The following CAPN8 variants were observed in gnomAD, a reference collection of about 807,000 sequenced individuals.
CAPN8 encodes calpain-8.
A neutral mutation model predicts 80.9 loss-of-function variants in CAPN8; 87 were observed. The observed-to-expected ratio is 1.07, with a 90% CI of 0.90 to 1.28. CAPN8 has a LOEUF of 1.28. CAPN8 is among the 50% of genes most tolerant of loss of function. CAPN8 has a pLI of 0.00. For synonymous variants in CAPN8, 299 were observed against 273.8 expected, an observed-to-expected ratio of 1.09 and a Z score of -0.91; for missense variants, 757 against 702.0, an observed-to-expected ratio of 1.08 and a Z score of -0.89.
At chr1:223,547,988 C>T (rs969422479) in intron 16 of CAPN8, among the ~76,000 whole-genome samples, 2 of 152,120 alleles carry the variant, frequency 1.3e-5, no homozygotes, top group South Asian at 2.1e-4. Context: ...AGGGAGTGGC[C>T]GACTGAAGCT....
At chr1:223,549,977 G>A (rs985427965) in intron 15 of CAPN8, among the ~76,000 whole-genome samples, 17 of 152,176 alleles carry the variant, frequency 1.1e-4, no homozygotes, top group African/African-American at 3.4e-4. Flanking sequence ...GGCAAAGCTA[G>A]GAGTTAAATG....
At chr1:223,610,640 G>A (rs1243845133) in intron 11 of CAPN8, among the ~76,000 whole-genome samples, 2 of 152,162 alleles carry the variant, frequency 1.3e-5, no homozygotes, top group South Asian at 2.1e-4. Flanking sequence ...ATCCAGGGGT[G>A]GAGCAGGTTA....
Position 223,541,725 on chromosome 1 carries a change from T to A in CAPN8, c.*111A>T. On this transcript the variant is annotated 3_prime_UTR_variant, in exon 21 of 21. Coordinates refer to ENST00000366872, the MANE Select transcript of CAPN8 (RefSeq NM_001143962.2). The stretch of plus-strand genomic sequence containing the variant: ...AAATAGACCCAGGGCAAGAAAGGTA[T>A]GAACAACCAGTGAATGCCACTGGAG... 1 of 1,520,246 alleles carries A rather than the reference T, an allele frequency of 6.6e-7. No homozygotes were observed. Among genetic ancestry groups the A allele is most frequent in the Non-Finnish European group, 8.9e-7 (1 of 1,119,496 alleles). 94.2% of individuals were successfully genotyped at this position (1,520,246 alleles called of 1,614,324 possible). A position where few individuals can be genotyped will look rare whatever the true frequency, so the allele number is the denominator to read the frequency against.
At position 223,651,315 on chromosome 1, in the gene CAPN8, A is replaced by G. The variant is rs549411591; in HGVS notation, c.307+3015T>C. 5.9e-5 allele frequency among the ~76,000 whole-genome samples: 9 copies of G among 152,332 alleles called. No homozygotes were observed. In the East Asian group the frequency reaches 1.7e-3, roughly 29 times the overall value. On this transcript the variant is annotated intron_variant, in intron 2 of 20. Transcript: ENST00000366872. Reference sequence around the variant, plus strand: ...TTTACTCATTTAATTACTTAAATGGAGGTAAAATCATACTGTCCTCCTTCA... The same window carrying G: ...TTTACTCATTTAATTACTTAAATGGGGGTAAAATCATACTGTCCTCCTTCA...
chr1:223,545,989 A>ATTT (rs35357819), intron 16 of CAPN8, among the ~76,000 whole-genome samples: 3 of 111,410 alleles, frequency 2.7e-5, no homozygotes, highest in African/African-American at 3.6e-5. Flanking sequence ...TACTCCACTA[A>ATTT]TTTTTTTTTT....
intron 2 of CAPN8, among the ~76,000 whole-genome samples, chr1:223,639,165 G>A (rs1657983202): frequency 6.6e-6 from 1 of 152,128 alleles, no homozygotes; most frequent in African/African-American, 2.4e-5. Flanking sequence ...GCTTGAACCT[G>A]GGAGGCAGAG....
At chr1:223,543,225 TCAGAG>T (rs1656518884) in intron 19 of CAPN8, 59 bp from the exon 20 acceptor site, 2 of 1,534,914 alleles carry the variant, frequency 1.3e-6, no homozygotes, top group Admixed American at 3.9e-5. Flanking sequence ...TTTGGAACAA[TCAGAG>T]AGCTGCCTCT....
chr1:223,618,395 C>T, intron 9 of CAPN8: 1 of 1,412,410 alleles, frequency 7.1e-7, no homozygotes, highest in Non-Finnish European at 9.7e-7. Context: ...CTATCTCCAC[C>T]AGGGTCTGAG....
intron 2 of CAPN8, among the ~76,000 whole-genome samples, chr1:223,652,783 C>T (rs1658375978): frequency 6.6e-6 from 1 of 152,216 alleles, no homozygotes; most frequent in South Asian, 2.1e-4. Context: ...AGCGGCTGGG[C>T]TCCCCGGGGC....
intron 14 of CAPN8, among the ~76,000 whole-genome samples, chr1:223,553,248 C>T (rs899327586): frequency 6.6e-6 from 1 of 152,180 alleles, no homozygotes; most frequent in Non-Finnish European, 1.5e-5. Flanking sequence ...CCAAAGTGAA[C>T]GGAAGCCAGG....
At chr1:223,613,452 C>T (rs1475043716) in intron 10 of CAPN8, among the ~76,000 whole-genome samples, 1 of 152,230 alleles carries the variant, frequency 6.6e-6, no homozygotes, top group Non-Finnish European at 1.5e-5. Context: ...ACTTGACCAC[C>T]TCTGCTGCCA....
At chr1:223,548,953 G>A (rs994775204) in intron 16 of CAPN8, among the ~76,000 whole-genome samples, 2 of 141,998 alleles carry the variant, frequency 1.4e-5, no homozygotes, top group Admixed American at 7.0e-5. Context: ...TGGGGGTGGG[G>A]ACGGGTAGAA....
At chr1:223,643,156 C>T (rs1193814542) in intron 2 of CAPN8, among the ~76,000 whole-genome samples, 1 of 152,176 alleles carries the variant, frequency 6.6e-6, no homozygotes, top group Admixed American at 6.5e-5. Context: ...AAGATGAGCA[C>T]TGAGATGCAA....
intron 9 of CAPN8, chr1:223,617,771 G>A (rs1657245737): frequency 6.1e-6 from 1 of 164,100 alleles, no homozygotes; most frequent in Admixed American, 5.7e-5. Context: ...TGTGTTCCAA[G>A]GCTTGCAGTG....
At position 223,541,878 on chromosome 1, in the gene CAPN8, A is replaced by T; in HGVS notation, c.2089-19T>A. The stretch of plus-strand genomic sequence containing the variant: ...ACAGCCACTGCAAAGGAAAGGGACA[A>T]GATTGAGTCTTGGCTTCTCAGGGGC... On this transcript the variant is annotated intron_variant, in intron 20 of 20. Coordinates refer to ENST00000366872, the MANE Select transcript of CAPN8 (RefSeq NM_001143962.2). 6.6e-7 allele frequency: 1 copy of T among 1,508,708 alleles called. No individual in the cohort carries two copies. The highest frequency in any genetic ancestry group is 8.8e-7 in the Non-Finnish European group (1 of 1,132,386). The allele number at this position is 1,508,708 out of a possible 1,614,324, so 93.5% of individuals were successfully genotyped here. A position where few individuals can be genotyped will look rare whatever the true frequency, so the allele number is the denominator to read the frequency against.
rs1228114049 is a variant in CAPN8, at chr1:223,627,989, T to A, written c.560+20A>T. The A allele has an allele frequency of 3.3e-6, 5 of 1,521,142 alleles. No homozygotes were observed. The highest frequency in any genetic ancestry group is 3.5e-6 in the Non-Finnish European group (4 of 1,126,880). The allele number at this position is 1,521,142 out of a possible 1,614,324, so 94.2% of individuals were successfully genotyped here. A position where few individuals can be genotyped will look rare whatever the true frequency, so the allele number is the denominator to read the frequency against. On this transcript the variant is annotated intron_variant, in intron 4 of 20. Coordinates refer to ENST00000366872, the MANE Select transcript of CAPN8 (RefSeq NM_001143962.2). ...CAGGGAGGCTCTGGCGTCTCCCAGCTCCTGGCTTCCCCCACTTACTTGGCA... is the reference window on the plus strand; with the variant it reads ...CAGGGAGGCTCTGGCGTCTCCCAGCACCTGGCTTCCCCCACTTACTTGGCA...
intron 2 of CAPN8, among the ~76,000 whole-genome samples, chr1:223,649,176 C>T (rs1017047380): frequency 3.9e-5 from 6 of 152,226 alleles, no homozygotes; most frequent in Admixed American, 1.3e-4. Flanking sequence ...ACAGTAGCAT[C>T]GCTCATGTGG....
rs751644093 is a variant in CAPN8, at chr1:223,628,078, T to C, written c.491A>G (p.Gln164Arg). 1 of 1,551,434 alleles carries C rather than the reference T, an allele frequency of 6.4e-7. No homozygotes were observed. The highest frequency in any genetic ancestry group is 1.2e-5 in the South Asian group (1 of 84,054). The change falls in exon 4 of 21, where the codon CAG becomes CGG. Residue 164 changes from glutamine (Q) to arginine (R), a missense_variant. Transcript: ENST00000366872. ...IDDRLPTKNG[Q>R]LLFLHSEQGN... is the part of the protein sequence containing the mutation. Reference sequence around the variant, plus strand: ...TTGTTCCGAGTGTAGGAAGAGCAGCTGTCCATTCTTGGTGGGCAGCCTGTC... The same window carrying C: ...TTGTTCCGAGTGTAGGAAGAGCAGCCGTCCATTCTTGGTGGGCAGCCTGTC...
At chr1:223,547,853 G>A (rs1558335570) in intron 16 of CAPN8, among the ~76,000 whole-genome samples, 2 of 152,232 alleles carry the variant, frequency 1.3e-5, no homozygotes, top group Admixed American at 1.3e-4. Flanking sequence ...TGATGAGAAT[G>A]ATTCAGAAAC....
Sources: allele counts gnomAD v4.1 joint callset (sites outside exome capture counted in the v4.1 genomes callset), GRCh38; gene constraint gnomAD v4.1.1; transcripts MANE v1.5; gene names NCBI Gene and HGNC (gene_info 2026-07-23, HGNC 2026-07-21).